Variants in FAAP24 observed in about 807,000 individuals in gnomAD.
FAAP24 encodes the protein Fanconi anemia core complex-associated protein 24.
In FAAP24, 16 loss-of-function variants were observed where a neutral mutation model predicts 14.3. That is an observed-to-expected ratio of 1.12 (90% CI 0.76 to 1.69). The LOEUF (loss-of-function observed/expected upper bound fraction) is 1.69. Ranked by LOEUF, FAAP24 falls within the 40% of genes most tolerant of loss-of-function variation. The probability of loss-of-function intolerance (pLI) is 0.00; values close to 1 mark genes in which losing one functional copy is unlikely to be tolerated. For synonymous variants in FAAP24, 111 were observed against 106.2 expected, an observed-to-expected ratio of 1.04 and a Z score of -0.28; for missense variants, 234 against 262.7, an observed-to-expected ratio of 0.89 and a Z score of 0.75.
At position 32,976,473 on chromosome 19, in the gene FAAP24, G is replaced by C. The variant is rs761530265; in HGVS notation, c.439G>C (p.Gly147Arg). The C allele has an allele frequency of 3.8e-5, 62 of 1,614,078 alleles. No homozygotes were observed. The highest frequency in any genetic ancestry group is 4.7e-5 in the Non-Finnish European group (56 of 1,180,042). ...AGAGCCCAGTAAGAACCCTCTTCTC[G>C]GGAAGAAACGGGCCCTGCTGCTGTC... ...TKEPSKNPLL[G>R]KKRALLLSEP... Residue 147 changes from glycine to arginine, a missense_variant, in exon 5 of 5, where the codon GGG becomes CGG. Gly to Arg is a moderately radical substitution (Grantham distance 125). Transcript: ENST00000588258.
chr19:32,975,452 A>C (rs1229506151), intron 4 of FAAP24, among the ~76,000 whole-genome samples: 2 of 147,200 alleles, frequency 1.4e-5, no homozygotes, highest in Non-Finnish European at 3.0e-5. Context: ...CCACCGCACC[A>C]ACCAACACTT....
intron 4 of FAAP24, 112 bp from the exon 5 acceptor site, chr19:32,976,319 C>T (rs1971515246): frequency 1.5e-6 from 2 of 1,353,564 alleles, no homozygotes; most frequent in Non-Finnish European, 2.0e-6. Flanking sequence ...CATTTGTTCC[C>T]TTAAGTCAAG....
chr19:32,975,194 G>A (rs1166158913), intron 4 of FAAP24, among the ~76,000 whole-genome samples: 1 of 149,202 alleles, frequency 6.7e-6, no homozygotes, highest in South Asian at 2.1e-4. Context: ...TTTTTAGATA[G>A]GGTCTTGCTC....
chr19:32,975,476 T>TTTA (rs1971504401), intron 4 of FAAP24, among the ~76,000 whole-genome samples: 2 of 149,134 alleles, frequency 1.3e-5, no homozygotes, highest in Non-Finnish European at 1.5e-5. Context: ...TTTTTTTTTT[T>TTTA]GAGATGGAGT....
Position 32,976,912 on chromosome 19 carries a change from G to A in FAAP24, c.*230G>A. On this transcript the variant is annotated 3_prime_UTR_variant, in exon 5 of 5. Coordinates refer to ENST00000588258, the MANE Select transcript of FAAP24 (RefSeq NM_152266.5). ...AACAATTAGCCAGGCATGGTGACAG[G>A]TGCCTGTAATCCCAGCTACTTGGGA... 1 of 577,860 alleles carries A rather than the reference G, an allele frequency of 1.7e-6. No homozygotes were observed. The highest frequency in any genetic ancestry group is 2.9e-5 in the East Asian group (1 of 34,644). The allele number at this position is 577,860 out of a possible 1,614,324, so 35.8% of individuals were successfully genotyped here.
At chr19:32,975,590 G>A (rs535902104) in intron 4 of FAAP24, among the ~76,000 whole-genome samples, 1 of 151,482 alleles carries the variant, frequency 6.6e-6, no homozygotes, top group Non-Finnish European at 1.5e-5. Context: ...CTCCCGAGTA[G>A]CTGGAATTAC....
intron 3 of FAAP24, among the ~76,000 whole-genome samples, chr19:32,973,816 C>A (rs1179140219): frequency 1.3e-5 from 2 of 152,126 alleles, no homozygotes; most frequent in Non-Finnish European, 2.9e-5. Flanking sequence ...GATCACGCCA[C>A]TGCACTCCAG....
chr19:32,974,248 G>A (rs879480437), intron 4 of FAAP24, 36 bp downstream of exon 4: 3 of 1,588,140 alleles, frequency 1.9e-6, no homozygotes, highest in Non-Finnish European at 2.6e-6. Context: ...TGGTAGTCCT[G>A]TCCTCATGGA....
chr19:32,974,644 C>T lies in FAAP24; in HGVS notation c.396+432C>T, dbSNP rs541829919. 8.6e-5 allele frequency among the ~76,000 whole-genome samples: 13 copies of T among 151,922 alleles called. No individual in the cohort carries two copies. The East Asian group carries it at 2.0e-3, about 23-fold the overall frequency. ...ACTAAAAATACAAAAATTAGCTGGG[C>T]GTGGTGGTGGGTGCATGTAATCCCA... On this transcript the variant is annotated intron_variant, in intron 4 of 4. Coordinates refer to ENST00000588258, the MANE Select transcript of FAAP24 (RefSeq NM_152266.5).
intron 4 of FAAP24, among the ~76,000 whole-genome samples, chr19:32,974,870 GTT>G (rs67649404): frequency 8.0e-5 from 12 of 149,924 alleles, no homozygotes; most frequent in South Asian, 4.2e-4. Flanking sequence ...CCTTGTGCAA[GTT>G]TTTTTTTTTT....
rs1480023973 is a variant in FAAP24, at chr19:32,977,045, A to AAAAC, written c.*366_*369dup. 2 of 385,736 alleles carry AAAAC rather than the reference A, an allele frequency of 5.2e-6. No individual in the cohort carries two copies. Among genetic ancestry groups the AAAAC allele is most frequent in the African/African-American group, 4.8e-5 (2 of 41,494 alleles). 23.9% of individuals were successfully genotyped at this position (385,736 alleles called of 1,614,324 possible). A position where few individuals can be genotyped will look rare whatever the true frequency, so the allele number is the denominator to read the frequency against. The stretch of plus-strand genomic sequence containing the variant: ...ACCAGAGCGAGACTCCGTCTCAAAG[A>AAAAC]AAACAACAAAAAAAAAAAAAAAAGA... On this transcript the variant is annotated 3_prime_UTR_variant, in exon 5 of 5. Transcript: ENST00000588258.
intron 4 of FAAP24, 62 bp downstream of exon 4, chr19:32,974,274 C>G: frequency 6.6e-7 from 1 of 1,515,332 alleles, no homozygotes; most frequent in Non-Finnish European, 8.9e-7. Flanking sequence ...AGCTGCTCTC[C>G]AGAAGCAACC....
In FAAP24 at chr19:32,976,562, TCTC is replaced by T. The variant is rs777658700; in HGVS notation, c.533_535del (p.Leu178del). 17 of 1,614,066 alleles carry T rather than the reference TCTC, an allele frequency of 1.1e-5. 1 individual carries two copies. The South Asian group carries it at 1.4e-4, about 14-fold the overall frequency. On this transcript the variant is annotated inframe_deletion, in exon 5 of 5. Transcript: ENST00000588258. ...GAGTTGGAAAAGTTAAAGCTCCCCT[TCTC>T]CTCCAGAAGTTTCCAAGCATCCAGC...
In FAAP24 at chr19:32,976,533, C is replaced by A. The variant is rs1170219421; in HGVS notation, c.499C>A (p.Pro167Thr). The A allele has an allele frequency of 2.5e-6, 4 of 1,614,018 alleles. No individual in the cohort carries two copies. In the African/African-American group the frequency reaches 4.0e-5, roughly 16 times the overall value. ...GCTCCTTCGAACCGTGCAGCAGATC[C>A]CAGGAGTTGGAAAAGTTAAAGCTCC... ...PSLLRTVQQI[P>T]GVGKVKAPLL... The change falls in exon 5 of 5, where the codon CCA (proline) becomes ACA (threonine). Residue 167 changes from proline (P) to threonine (T), a missense_variant. By Grantham distance (38) the Pro-to-Thr change is conservative. Coordinates refer to ENST00000588258, the MANE Select transcript of FAAP24 (RefSeq NM_152266.5).
intron 4 of FAAP24, among the ~76,000 whole-genome samples, chr19:32,975,899 C>G (rs1394582230): frequency 2.0e-5 from 3 of 152,198 alleles, no homozygotes; most frequent in African/African-American, 7.2e-5. Context: ...ATCACCCCCT[C>G]TGATGTGGAG....
chr19:32,975,208 C>T (rs1410154229), intron 4 of FAAP24, among the ~76,000 whole-genome samples: 1 of 149,546 alleles, frequency 6.7e-6, no homozygotes, highest in Non-Finnish European at 1.5e-5. Context: ...CTTGCTCTGT[C>T]ATTCCAGCTG....
intron 1 of FAAP24, among the ~76,000 whole-genome samples, chr19:32,972,739 G>A (rs1225646957): frequency 8.4e-6 from 1 of 119,696 alleles, no homozygotes; most frequent in East Asian, 2.5e-4. Flanking sequence ...TTTTTGAGAC[G>A]AGTCTTGCTC....
rs143063634 is a variant in FAAP24 at position 32,976,598 on chromosome 19, T to C, written c.564T>C (p.Ser188=). ...AGTTTCCAAGCATCCAGCAACTGAG[T>C]AATGCTTCCATTGGGGAACTGGAGC... is the stretch of plus-strand genomic sequence containing the variant. ...LQKFPSIQQL[S]NASIGELEQV... Residue 188 remains serine, a synonymous_variant, in exon 5 of 5, where the codon AGT becomes AGC. Transcript: ENST00000588258. 3 of 1,613,996 alleles carry C rather than the reference T, an allele frequency of 1.9e-6. No individual in the cohort carries two copies. The African/African-American group carries it at 4.0e-5, about 22-fold the overall frequency.
intron 4 of FAAP24, among the ~76,000 whole-genome samples, chr19:32,975,876 G>A (rs6510314): frequency 0.25 from 37,294 of 152,110 alleles, 4,804 homozygotes; most frequent in Admixed American, 0.35. Context: ...TGTTATGTGT[G>A]TGTTGTTTTT....
Sources: gnomAD v4.1 joint callset for allele counts (sites outside exome capture counted in the v4.1 genomes callset) on GRCh38, gnomAD v4.1.1 for gene constraint, MANE v1.5 for transcripts, NCBI Gene and HGNC (gene_info 2026-07-23, HGNC 2026-07-21) for gene names.